Variants in DNAJC1 observed in about 807,000 individuals in gnomAD.
DNAJC1 encodes DnaJ heat shock protein family (Hsp40) member C1, also known as dnaJ homolog subfamily C member 1.
A neutral mutation model predicts 76.6 loss-of-function variants in DNAJC1; 58 were observed. That is an observed-to-expected ratio of 0.76 (90% CI 0.61 to 0.94). DNAJC1 has a LOEUF of 0.94. Ranked by LOEUF, DNAJC1 falls within the 40% of genes least tolerant of loss-of-function variation. The pLI, the probability that DNAJC1 is intolerant of heterozygous loss-of-function variation, is 0.00. For synonymous variants in DNAJC1, 258 were observed against 267.9 expected, an observed-to-expected ratio of 0.96 and a Z score of 0.36; for missense variants, 689 against 677.3, an observed-to-expected ratio of 1.02 and a Z score of -0.19.
At chr10:21,812,982 G>A (rs1426181404) in intron 8 of DNAJC1, among the ~76,000 whole-genome samples, 3 of 149,968 alleles carry the variant, frequency 2.0e-5, no homozygotes, top group Non-Finnish European at 4.4e-5. Context: ...AAGGGATAGG[G>A]TGTGTTTTCC....
At chr10:21,952,029 T>G (rs914708895) in intron 1 of DNAJC1, among the ~76,000 whole-genome samples, 1 of 152,332 alleles carries the variant, frequency 6.6e-6, no homozygotes, top group Non-Finnish European at 1.5e-5. Flanking sequence ...TTTAGCTGAC[T>G]ATACATCCTG....
chr10:21,857,394 G>C (rs1245301236), intron 8 of DNAJC1, among the ~76,000 whole-genome samples: 1 of 151,988 alleles, frequency 6.6e-6, no homozygotes, highest in African/African-American at 2.4e-5. Flanking sequence ...TGGAATTTTA[G>C]GGCTTTTCCA....
chr10:21,789,918 G>A (rs950824802), intron 9 of DNAJC1, among the ~76,000 whole-genome samples: 3 of 145,614 alleles, frequency 2.1e-5, no homozygotes, highest in African/African-American at 2.5e-5. Flanking sequence ...GCTGAAGCAT[G>A]AGAATTGCTT....
chr10:21,988,379 T>C (rs773003632), intron 1 of DNAJC1, among the ~76,000 whole-genome samples: 15 of 152,240 alleles, frequency 9.9e-5, no homozygotes, highest in Non-Finnish European at 1.9e-4. Context: ...TAAAGGCATA[T>C]AATAATAATT....
intron 7 of DNAJC1, among the ~76,000 whole-genome samples, chr10:21,901,359 T>C (rs1836649372): frequency 6.6e-6 from 1 of 152,210 alleles, no homozygotes; most frequent in Non-Finnish European, 1.5e-5. Flanking sequence ...TCTCATGCGA[T>C]ATGGGCTGTT....
intron 6 of DNAJC1, 93 bp downstream of exon 6, chr10:21,918,686 T>C: frequency 1.2e-6 from 1 of 857,516 alleles, no homozygotes; most frequent in East Asian, 2.6e-5. Flanking sequence ...ATCCACTGCA[T>C]ATCAGCATTC....
At chr10:21,956,420 T>A (rs1176219827) in intron 1 of DNAJC1, among the ~76,000 whole-genome samples, 3 of 151,866 alleles carry the variant, frequency 2.0e-5, no homozygotes, top group Non-Finnish European at 1.5e-5. Flanking sequence ...TGTGTCTAAT[T>A]AGAAAAAAAT....
At chr10:21,815,230 A>G (rs1342916537) in intron 8 of DNAJC1, among the ~76,000 whole-genome samples, 1 of 152,256 alleles carries the variant, frequency 6.6e-6, no homozygotes, top group African/African-American at 2.4e-5. Context: ...GCATGGAGCC[A>G]CTATAGCTCC....
At position 21,835,594 on chromosome 10, in the gene DNAJC1, T is replaced by C. The variant is rs368487618; in HGVS notation, c.979-29495A>G. Among the ~76,000 whole-genome samples, 4 of 152,172 alleles carry C rather than the reference T, an allele frequency of 2.6e-5. No individual in the cohort carries two copies. In the East Asian group the frequency reaches 7.7e-4, roughly 29 times the overall value. ...AAAGCTTTGAAAAAAATTAGACGAA[T>C]GGATAACTAGAATAACCAATGCAGT... is the stretch of plus-strand genomic sequence containing the variant. On this transcript the variant is annotated intron_variant, in intron 8 of 11. Coordinates refer to ENST00000376980, the MANE Select transcript of DNAJC1 (RefSeq NM_022365.4).
intron 9 of DNAJC1, among the ~76,000 whole-genome samples, chr10:21,786,946 TAAC>T (rs1359124333): frequency 1.3e-5 from 2 of 152,220 alleles, no homozygotes; most frequent in African/African-American, 4.8e-5. Flanking sequence ...TAAATAATAT[TAAC>T]AACCTTATGC....
chr10:21,981,878 G>T (rs920621584), intron 1 of DNAJC1, among the ~76,000 whole-genome samples: 1 of 152,076 alleles, frequency 6.6e-6, no homozygotes, highest in Non-Finnish European at 1.5e-5. Context: ...CAAGAATTCT[G>T]CTAAGAGAGT....
chr10:21,971,882 C>G (rs886590002), intron 1 of DNAJC1, among the ~76,000 whole-genome samples: 2 of 151,854 alleles, frequency 1.3e-5, no homozygotes, highest in Admixed American at 6.6e-5. Flanking sequence ...TTGAATGTGT[C>G]ATGTAAACAG....
At chr10:21,904,319 T>A (rs1443655362) in intron 7 of DNAJC1, among the ~76,000 whole-genome samples, 1 of 151,882 alleles carries the variant, frequency 6.6e-6, no homozygotes, top group Non-Finnish European at 1.5e-5. Flanking sequence ...TTCCTTCTGA[T>A]ATCAAACTTT....
intron 7 of DNAJC1, among the ~76,000 whole-genome samples, chr10:21,903,075 C>T (rs1428951124): frequency 6.6e-6 from 1 of 151,990 alleles, no homozygotes; most frequent in Non-Finnish European, 1.5e-5. Context: ...TACAGGTGTC[C>T]GCCACTATGC....
chr10:21,793,414 A>G (rs572168955), intron 9 of DNAJC1, among the ~76,000 whole-genome samples: 3 of 152,368 alleles, frequency 2.0e-5, no homozygotes, highest in Admixed American at 2.0e-4. Flanking sequence ...CAAGGCAAGT[A>G]TGCCTGCACT....
At chr10:21,931,853 G>A (rs1837230483) in intron 1 of DNAJC1, among the ~76,000 whole-genome samples, 2 of 152,174 alleles carry the variant, frequency 1.3e-5, no homozygotes, top group South Asian at 4.1e-4. Flanking sequence ...CAGCACGTGA[G>A]TGAAGTGGCT....
Position 21,946,400 on chromosome 10 carries a change from G to A in DNAJC1, c.223-17259C>T, listed in dbSNP as rs528710072. Among the ~76,000 whole-genome samples, 4 of 151,804 alleles carry A rather than the reference G, an allele frequency of 2.6e-5. No homozygotes were observed. In the South Asian group the frequency reaches 8.3e-4, roughly 32 times the overall value. ...AGTATTCAATTTCCTTAATTACAGA[G>A]AAAAAGCAAATTAAAGTCAAAGTGA... On this transcript the variant is annotated intron_variant, in intron 1 of 11. Transcript: ENST00000376980.
At position 21,803,988 on chromosome 10, in the gene DNAJC1, G is replaced by A. The variant is rs973052087; in HGVS notation, c.1098+1992C>T. On this transcript the variant is annotated intron_variant, in intron 9 of 11. Coordinates refer to ENST00000376980, the MANE Select transcript of DNAJC1 (RefSeq NM_022365.4). The stretch of plus-strand genomic sequence containing the variant: ...AATCATTCTGCCTTGGGTAAGTCTA[G>A]GGAGGAAAAAAAGGAGACATATGGG... The A allele has an allele frequency of 4.1e-6, 4 of 984,808 alleles. No homozygotes were observed. The Admixed American group carries it at 1.9e-4, about 46-fold the overall frequency. The allele number at this position is 984,808 out of a possible 1,614,324, so 61.0% of individuals were successfully genotyped here. A position where few individuals can be genotyped will look rare whatever the true frequency, so the allele number is the denominator to read the frequency against.
At chr10:21,891,476 C>CAGAAAAAAAAAAAAAA (rs1806994439) in intron 7 of DNAJC1, among the ~76,000 whole-genome samples, 1 of 38,858 alleles carries the variant, frequency 2.6e-5, no homozygotes, top group African/African-American at 9.4e-5. Flanking sequence ...ACAAAGTAGA[C>CAGAAAAAAAAAAAAAA]AAAAAAAAAA....
Sources: allele counts gnomAD v4.1 joint callset (sites outside exome capture counted in the v4.1 genomes callset), GRCh38; gene constraint gnomAD v4.1.1; transcripts MANE v1.5; gene names NCBI Gene and HGNC (gene_info 2026-07-23, HGNC 2026-07-21).